The following GRM7 variants were observed in gnomAD, a reference collection of about 807,000 sequenced individuals.
GRM7 encodes metabotropic glutamate receptor 7.
Under a neutral mutation model 84.5 loss-of-function variants are expected in GRM7, and 35 were observed. That is an observed-to-expected ratio of 0.41 (90% confidence interval 0.32 to 0.55). The LOEUF is 0.55. GRM7 is among the 20% of genes least tolerant of loss of function. The pLI is 0.19. For synonymous variants in GRM7, 487 were observed against 455.1 expected (o/e 1.07, Z -0.89); for missense variants, 1,003 against 1,194.6 (o/e 0.84, Z 2.36).
rs1373939594 is a variant in GRM7, at chr3:7,530,116, C to T, written c.1516-48306C>T. ...ATCCCCCCCACCCCCCAACAGGCCC[C>T]GGTGTGTGATGTTCCCCTCCCTGTG... is the stretch of plus-strand genomic sequence containing the variant. On this transcript the variant is annotated intron_variant, in intron 7 of 9. Transcript: ENST00000357716. Among the ~76,000 whole-genome samples, 16 of 146,702 alleles carry T rather than the reference C, an allele frequency of 1.1e-4. 1 individual carries two copies. The East Asian group carries it at 1.2e-3, about 11-fold the overall frequency.
At chr3:7,362,433 A>G (rs1369883285) in intron 4 of GRM7, among the ~76,000 whole-genome samples, 2 of 152,146 alleles carry the variant, frequency 1.3e-5, no homozygotes, top group African/African-American at 4.8e-5. Context: ...ATATCTCAGC[A>G]GAATTTAAAG....
At chr3:7,403,120 A>G (rs1407135686) in intron 4 of GRM7, 9 of 442,790 alleles carry the variant, frequency 2.0e-5, no homozygotes, top group South Asian at 9.7e-5. Flanking sequence ...AGCTTCTACA[A>G]TGCACAATAA....
chr3:7,544,219 T>G (rs749030523), intron 7 of GRM7, among the ~76,000 whole-genome samples: 2 of 152,206 alleles, frequency 1.3e-5, no homozygotes, highest in East Asian at 1.9e-4. Context: ...CCAAGTGGAA[T>G]GCAGTGGCAG....
intron 4 of GRM7, among the ~76,000 whole-genome samples, chr3:7,336,477 T>C (rs1701425923): frequency 1.3e-5 from 2 of 151,872 alleles, no homozygotes; most frequent in Admixed American, 6.6e-5. Context: ...CCCTGAGAAC[T>C]GAAACAAGAC....
intron 2 of GRM7, among the ~76,000 whole-genome samples, chr3:7,255,313 T>C (rs991304677): frequency 3.3e-5 from 5 of 152,236 alleles, no homozygotes; most frequent in African/African-American, 1.2e-4. Context: ...GTTTTAAATC[T>C]CATCTTGACT....
At chr3:7,735,966 C>T (rs1047662767) in intron 9 of GRM7, among the ~76,000 whole-genome samples, 1 of 152,146 alleles carries the variant, frequency 6.6e-6, no homozygotes, top group Non-Finnish European at 1.5e-5. Flanking sequence ...CCAAATGGCT[C>T]TCCCATATAA....
intron 2 of GRM7, among the ~76,000 whole-genome samples, chr3:7,207,954 G>A (rs1696292776): frequency 6.6e-6 from 1 of 152,108 alleles, no homozygotes; most frequent in Non-Finnish European, 1.5e-5. Flanking sequence ...AAATGTCGGA[G>A]GCACAAAGGA....
intron 8 of GRM7, among the ~76,000 whole-genome samples, chr3:7,673,496 A>G (rs1475633757): frequency 4.0e-5 from 6 of 149,244 alleles, no homozygotes; most frequent in African/African-American, 7.4e-5. Context: ...TACAACACTA[A>G]GAAACATCAT....
intron 9 of GRM7, among the ~76,000 whole-genome samples, chr3:7,697,095 TC>T (rs1701051250): frequency 6.6e-6 from 1 of 152,246 alleles, no homozygotes; most frequent in African/African-American, 2.4e-5. Flanking sequence ...TGTCTTTCTT[TC>T]TATGAACTTG....
chr3:7,275,300 G>T (rs1408049172), intron 2 of GRM7, among the ~76,000 whole-genome samples: 1 of 152,082 alleles, frequency 6.6e-6, no homozygotes, highest in East Asian at 1.9e-4. Context: ...TAGTCACTCT[G>T]TGTCTTCAGA....
chr3:7,215,668 A>T lies in GRM7; in HGVS notation c.736+69000A>T, dbSNP rs993916726. On this transcript the variant is annotated intron_variant, in intron 2 of 9. Transcript: ENST00000357716. ...CGACAGAGCGAGACTCTGTCTCAAA[A>T]AAATAAATAAATAAATAAATAAATA... Among the ~76,000 whole-genome samples the T allele has an allele frequency of 2.5e-3, 376 of 150,298 alleles. 1 individual carries two copies. Among genetic ancestry groups the T allele is most frequent in the African/African-American group, 7.7e-3 (318 of 41,182 alleles).
intron 7 of GRM7, among the ~76,000 whole-genome samples, chr3:7,474,203 T>G (rs529902056): frequency 5.1e-4 from 78 of 152,310 alleles, no homozygotes; most frequent in Middle Eastern, 3.4e-3. Flanking sequence ...TGTTGTTGCT[T>G]AAGCAAGACA....
At chr3:6,974,621 A>G (rs899051311) in intron 1 of GRM7, among the ~76,000 whole-genome samples, 1 of 152,172 alleles carries the variant, frequency 6.6e-6, no homozygotes, top group Non-Finnish European at 1.5e-5. Flanking sequence ...GTCCAGGTGC[A>G]TGAGATGTTT....
At chr3:7,581,299 A>T (rs1695238789) in intron 8 of GRM7, among the ~76,000 whole-genome samples, 1 of 152,150 alleles carries the variant, frequency 6.6e-6, no homozygotes, top group Non-Finnish European at 1.5e-5. Context: ...GTAGAATTGG[A>T]GTGTGGGGAA....
intron 1 of GRM7, among the ~76,000 whole-genome samples, chr3:6,998,086 T>A (rs1189907959): frequency 3.5e-5 from 3 of 86,080 alleles, no homozygotes; most frequent in South Asian, 4.3e-4. Context: ...ATCATTGCAC[T>A]CCAGCCTGGG....
chr3:7,414,886 AT>A (rs555467153), intron 4 of GRM7, 136 bp from the exon 5 acceptor site: 27,149 of 429,534 alleles, frequency 0.063, 2 homozygotes, highest in Middle Eastern at 0.079. Context: ...CCTTCTGTTA[AT>A]TTTTTTTTTT....
At chr3:7,378,521 A>G (rs1452818567) in intron 4 of GRM7, among the ~76,000 whole-genome samples, 4 of 152,318 alleles carry the variant, frequency 2.6e-5, no homozygotes, top group East Asian at 3.9e-4. Context: ...TGTCATTCAG[A>G]TGGAGCAACT....
At chr3:7,525,849 C>T (rs797000278) in intron 7 of GRM7, among the ~76,000 whole-genome samples, 4 of 152,074 alleles carry the variant, frequency 2.6e-5, no homozygotes, top group South Asian at 2.1e-4. Flanking sequence ...AGGATAATAG[C>T]CTTCAGCTCC....
At chr3:7,102,682 A>G (rs1699153615) in intron 1 of GRM7, among the ~76,000 whole-genome samples, 1 of 151,700 alleles carries the variant, frequency 6.6e-6, no homozygotes, top group African/African-American at 2.4e-5. Context: ...TCAATTACAC[A>G]CATACTCGAC....
Sources: allele counts gnomAD v4.1 joint callset (sites outside exome capture counted in the v4.1 genomes callset), GRCh38; gene constraint gnomAD v4.1.1; transcripts MANE v1.5; gene names NCBI Gene and HGNC (gene_info 2026-07-23, HGNC 2026-07-21).